The following KMT2C variants were observed in gnomAD, a reference collection of about 807,000 sequenced individuals.
The protein encoded by KMT2C is lysine methyltransferase 2C, also known as histone-lysine N-methyltransferase 2C.
A neutral mutation model predicts 507.9 loss-of-function variants in KMT2C; 88 were observed. The ratio of observed to expected loss-of-function variants is 0.17; its 90% CI spans 0.15 to 0.21. KMT2C has a LOEUF of 0.21. Ranked by LOEUF, KMT2C falls within the 10% of genes least tolerant of loss-of-function variation. The probability of loss-of-function intolerance (pLI) is 1.00; values close to 1 mark genes in which losing one functional copy is unlikely to be tolerated. For synonymous variants in KMT2C, 2,049 were observed against 2,080.8 expected (o/e 0.98, Z 0.42); for missense variants, 4,954 against 5,957.8 (o/e 0.83, Z 5.55).
chr7:152,143,512 A>G (rs1173669675), intron 55 of KMT2C, among the ~76,000 whole-genome samples: 1 of 152,258 alleles, frequency 6.6e-6, no homozygotes, highest in East Asian at 1.9e-4. Context: ...TGCACATCCT[A>G]ACAAGCTCCC....
chr7:152,258,587 T>C lies in KMT2C; in HGVS notation c.1299+4429A>G, dbSNP rs1588658041. Among the ~76,000 whole-genome samples the C allele has an allele frequency of 2.6e-5, 4 of 152,206 alleles. No individual in the cohort carries two copies. In the South Asian group the frequency reaches 8.3e-4, roughly 32 times the overall value. On this transcript the variant is annotated intron_variant, in intron 9 of 58. Transcript: ENST00000262189. ...TCACCCAGGCTGGAGTGTAGTAGCATGAGTTCGGCTCACTGCAACCTCTGC... is the reference window on the plus strand; with the variant it reads ...TCACCCAGGCTGGAGTGTAGTAGCACGAGTTCGGCTCACTGCAACCTCTGC...
chr7:152,356,996 G>A (rs1182058951), intron 2 of KMT2C, among the ~76,000 whole-genome samples: 1 of 151,644 alleles, frequency 6.6e-6, no homozygotes, highest in African/African-American at 2.4e-5. Flanking sequence ...CACTTTGGGA[G>A]GTGGGTGGAT....
At chr7:152,262,898 A>G in intron 9 of KMT2C, 118 bp downstream of exon 9, 1 of 667,868 alleles carries the variant, frequency 1.5e-6, no homozygotes, top group Admixed American at 2.9e-5. Context: ...TATGTCAATA[A>G]AGCTGTTTTT....
At chr7:152,417,203 C>T (rs2097748118) in intron 1 of KMT2C, among the ~76,000 whole-genome samples, 1 of 152,148 alleles carries the variant, frequency 6.6e-6, no homozygotes, top group South Asian at 2.1e-4. Context: ...ACTGCAACCA[C>T]TTCCTCCCAG....
chr7:152,370,355 A>T (rs1265881328), intron 1 of KMT2C, among the ~76,000 whole-genome samples: 1 of 152,202 alleles, frequency 6.6e-6, no homozygotes, highest in Non-Finnish European at 1.5e-5. Context: ...CTATTAAAGA[A>T]ATTGAATTTA....
At chr7:152,233,821 C>A (rs1439594128) in intron 16 of KMT2C, among the ~76,000 whole-genome samples, 1 of 152,122 alleles carries the variant, frequency 6.6e-6, no homozygotes, top group Non-Finnish European at 1.5e-5. Context: ...TAAATAGGTA[C>A]CTATTAAAGA....
rs1491309235 is a variant in KMT2C at position 152,178,015 on chromosome 7, T to TTAAAAAAAAAAAAAAAAAAAA, written c.7443-6_7443-5insTTTTTTTTTTTTTTTTTTTTA. The TTAAAAAAAAAAAAAAAAAAAA allele has an allele frequency of 7.4e-6, 6 of 811,048 alleles. No homozygotes were observed. The African/African-American group carries it at 1.5e-4, about 21-fold the overall frequency. The allele number at this position is 811,048 out of a possible 1,614,324, so 50.2% of individuals were successfully genotyped here. ...CTACCTCCTGGAAATCCAAATCTTT[T>TTAAAAAAAAAAAAAAAAAAAA]AAAAAAAAAAAAAAAAAAAAAAAAA... On this transcript the variant is annotated splice_polypyrimidine_tract_variant and splice_region_variant and intron_variant, in intron 37 of 58. Transcript: ENST00000262189.
At chr7:152,335,633 C>T (rs576472594) in intron 2 of KMT2C, among the ~76,000 whole-genome samples, 56 of 152,264 alleles carry the variant, frequency 3.7e-4, no homozygotes, top group Admixed American at 9.2e-4. Flanking sequence ...TTTCCTTCTC[C>T]TAGCGAAGTA....
intron 6 of KMT2C, among the ~76,000 whole-genome samples, chr7:152,289,520 G>T (rs1243791332): frequency 6.6e-6 from 1 of 152,002 alleles, no homozygotes; most frequent in African/African-American, 2.4e-5. Flanking sequence ...TTTTTTCATG[G>T]AACACCGGTT....
At chr7:152,232,502 T>A (rs948220067) in intron 16 of KMT2C, among the ~76,000 whole-genome samples, 1 of 152,156 alleles carries the variant, frequency 6.6e-6, no homozygotes, top group African/African-American at 2.4e-5. Flanking sequence ...ATAGGTTGAA[T>A]CATAAGAAAT....
chr7:152,160,324 T>A (rs2092369814), intron 43 of KMT2C, among the ~76,000 whole-genome samples: 2 of 152,172 alleles, frequency 1.3e-5, no homozygotes, highest in Admixed American at 6.5e-5. Context: ...GCAGATTATC[T>A]GGTCCCACCC....
intron 9 of KMT2C, among the ~76,000 whole-genome samples, chr7:152,255,157 ATGTGTG>A (rs112731121): frequency 9.7e-4 from 125 of 128,332 alleles, no homozygotes; most frequent in Middle Eastern, 3.9e-3. Flanking sequence ...ATATATATAT[ATGTGTG>A]TGTGTGTGTG....
In KMT2C at chr7:152,177,345, T is replaced by G. The variant is rs2093249683; in HGVS notation, c.8108A>C (p.Asp2703Ala). ...DPSVKELDVK[D>A]LEGVEVKDLD... The stretch of plus-strand genomic sequence containing the variant: ...GTCTTTGACTTCAACCCCCTCAAGG[T>G]CTTTAACATCCAGTTCCTTCACAGA... Residue 2703 changes from aspartate to alanine, a missense_variant, in exon 38 of 59, where the codon GAC (aspartate) becomes GCC (alanine). Transcript: ENST00000262189. 6.2e-7 allele frequency: 1 copy of G among 1,614,060 alleles called. No individual in the cohort carries two copies. Among genetic ancestry groups the G allele is most frequent in the Admixed American group, 1.7e-5 (1 of 60,004 alleles).
Position 152,204,636 on chromosome 7 carries a change from T to TAGATAGATAGAC in KMT2C, c.3961+469_3961+470insGTCTATCTATCT, listed in dbSNP as rs376481420. On this transcript the variant is annotated intron_variant, in intron 25 of 58. Coordinates refer to ENST00000262189, the MANE Select transcript of KMT2C (RefSeq NM_170606.3). ...ATAGATAGATAGATAGATAGATAGATAGACAGACAGATACATAAATAGATA... is the reference window on the plus strand; with the variant it reads ...ATAGATAGATAGATAGATAGATAGATAGATAGATAGACAGACAGACAGATACATAAATAGATA... Among the ~76,000 whole-genome samples the TAGATAGATAGAC allele has an allele frequency of 5.8e-3, 736 of 127,516 alleles. 5 individuals carry two copies. Among genetic ancestry groups the TAGATAGATAGAC allele is most frequent in the East Asian group, 0.021 (92 of 4,318 alleles). 83.7% of individuals were successfully genotyped at this position (127,516 alleles called of 152,430 possible).
Position 152,187,478 on chromosome 7 carries a change from T to A in KMT2C, c.4794-2A>T. ...GGATTAAAGGCTGAATTTTTATCCC[T>A]GGGAAAAAATAAATATCTTTACTTT... On this transcript the variant is annotated splice_acceptor_variant, in intron 32 of 58. Transcript: ENST00000262189. LOFTEE classifies it high-confidence loss of function. 1 of 1,606,348 alleles carries A rather than the reference T, an allele frequency of 6.2e-7. No individual in the cohort carries two copies. The highest frequency in any genetic ancestry group is 8.5e-7 in the Non-Finnish European group (1 of 1,173,636).
intron 14 of KMT2C, among the ~76,000 whole-genome samples, chr7:152,241,707 G>A (rs902801618): frequency 3.3e-5 from 5 of 152,126 alleles, no homozygotes; most frequent in African/African-American, 1.2e-4. Flanking sequence ...ATTTCCATTG[G>A]TTTTTCTCTG....
intron 43 of KMT2C, among the ~76,000 whole-genome samples, chr7:152,159,548 T>A (rs1160741587): frequency 3.3e-5 from 5 of 152,186 alleles, no homozygotes. Context: ...AGCCTATGCA[T>A]CTTAGGTGAG....
chr7:152,265,726 CT>C (rs2095849239), intron 7 of KMT2C, among the ~76,000 whole-genome samples: 2 of 151,566 alleles, frequency 1.3e-5, no homozygotes, highest in South Asian at 2.1e-4. Flanking sequence ...CATATAAGGG[CT>C]TTTTTTTAAT....
Position 152,298,314 on chromosome 7 carries a change from C to G in KMT2C, c.849+11652G>C, listed in dbSNP as rs556044542. On this transcript the variant is annotated intron_variant, in intron 6 of 58. Transcript: ENST00000262189. ...CGGATCCAAGAAACTCAGCAAACCC[C>G]AAGCACAAGAAACATGAAGAAAATT... 2.6e-5 allele frequency among the ~76,000 whole-genome samples: 4 copies of G among 152,076 alleles called. 1 individual carries two copies. The South Asian group carries it at 8.3e-4, about 32-fold the overall frequency.
Sources: gnomAD v4.1 joint callset for allele counts (sites outside exome capture counted in the v4.1 genomes callset) on GRCh38, gnomAD v4.1.1 for gene constraint, MANE v1.5 for transcripts, NCBI Gene and HGNC (gene_info 2026-07-23, HGNC 2026-07-21) for gene names.